MAOA: variants seen among roughly 807,000 people sequenced by gnomAD.
The protein encoded by MAOA is monoamine oxidase A, also known as amine oxidase [flavin-containing] A.
Under a neutral mutation model 42.0 loss-of-function variants are expected in MAOA, and 6 were observed. The ratio of observed to expected loss-of-function variants is 0.14; its 90% CI spans 0.08 to 0.28. The LOEUF (loss-of-function observed/expected upper bound fraction) is 0.28, where lower values mean the gene tolerates loss of function less well. Among genes scored for constraint, MAOA ranks in the 10% least tolerant of loss-of-function variants. The pLI, the probability that MAOA is intolerant of heterozygous loss-of-function variation, is 1.00. For synonymous variants in MAOA, 140 were observed against 154.0 expected, an observed-to-expected ratio of 0.91 and a Z score of 0.67; for missense variants, 262 against 422.3, an observed-to-expected ratio of 0.62 and a Z score of 3.33.
chrX:43,675,473 G>A (rs1414943235), intron 1 of MAOA, among the ~76,000 whole-genome samples: 25 of 112,612 alleles, frequency 2.2e-4, no homozygotes, highest in African/African-American at 3.9e-4. Flanking sequence ...GCTTTGTTCC[G>A]TTGCTGGTGA....
chrX:43,733,645 A>T (rs1309053687), intron 9 of MAOA, among the ~76,000 whole-genome samples: 3 of 111,977 alleles, frequency 2.7e-5, no homozygotes, highest in African/African-American at 9.7e-5. Flanking sequence ...CAATCAAGTG[A>T]CTTTTAGAGA....
At chrX:43,723,384 C>A (rs1316839671) in intron 5 of MAOA, among the ~76,000 whole-genome samples, 1 of 111,323 alleles carries the variant, frequency 9.0e-6, no homozygotes, top group East Asian at 2.8e-4. Context: ...GTTTGTAGTT[C>A]TCCTTAAAGA....
intron 10 of MAOA, among the ~76,000 whole-genome samples, chrX:43,738,366 C>T (rs748870000): frequency 1.8e-5 from 2 of 112,265 alleles, no homozygotes; most frequent in Non-Finnish European, 3.8e-5. Flanking sequence ...TTTGTGTGAA[C>T]ACATCCTTGG....
At chrX:43,728,377 G>A in intron 6 of MAOA, 63 bp downstream of exon 6, 1 of 1,109,307 alleles carries the variant, frequency 9.0e-7, no homozygotes, top group African/African-American at 1.8e-5. Context: ...TTTCTCCCAG[G>A]GCAGTGTCTT....
intron 8 of MAOA, among the ~76,000 whole-genome samples, chrX:43,732,326 A>G (rs1481079625): frequency 8.9e-6 from 1 of 111,744 alleles, no homozygotes; most frequent in Non-Finnish European, 1.9e-5. Flanking sequence ...TACTGTTGAT[A>G]AGCATTCTGG....
intron 10 of MAOA, among the ~76,000 whole-genome samples, chrX:43,740,281 T>C (rs1469684134): frequency 8.9e-6 from 1 of 112,218 alleles, no homozygotes; most frequent in African/African-American, 3.2e-5. Context: ...ACTTATACTA[T>C]AGACTTATAA....
At chrX:43,740,029 G>A (rs2033948220) in intron 10 of MAOA, among the ~76,000 whole-genome samples, 1 of 112,035 alleles carries the variant, frequency 8.9e-6, no homozygotes, top group South Asian at 3.7e-4. Context: ...TTTAGATAAT[G>A]AATTATGAGA....
At chrX:43,732,194 C>G (rs7885398) in intron 8 of MAOA, among the ~76,000 whole-genome samples, 1 of 111,352 alleles carries the variant, frequency 9.0e-6, no homozygotes, top group African/African-American at 3.3e-5. Context: ...TCCGGGACTT[C>G]GCTTGCTTGC....
At chrX:43,713,464 C>T (rs1437705753) in intron 5 of MAOA, among the ~76,000 whole-genome samples, 2 of 111,350 alleles carry the variant, frequency 1.8e-5, no homozygotes, top group African/African-American at 3.3e-5. Context: ...TGCACATGTA[C>T]TCCGGAATTT....
Position 43,744,148 on chromosome X carries a change from T to A in MAOA, c.1414T>A (p.Trp472Arg), listed in dbSNP as rs765021585. 8.3e-7 allele frequency: 1 copy of A among 1,206,810 alleles called. No individual in the cohort carries two copies. The highest frequency in any genetic ancestry group is 1.8e-5 in the African/African-American group (1 of 56,874). The change falls in exon 14 of 15, where the codon TGG becomes AGG. Residue 472 changes from tryptophan (W) to arginine (R), a missense_variant. Physicochemically the swap from Trp to Arg is moderately radical, Grantham distance 101 (BLOSUM62 -3). This residue lies in a region of MAOA where 86 missense variants were observed against 190.3 expected (regional missense o/e 0.45). Transcript: ENST00000338702. ...GLGKVTEKDI[W>R]VQEPESKDVP... is the part of the protein sequence containing the mutation. ...CGGGAAGGTGACCGAGAAAGATATC[T>A]GGGTACAAGAACCTGAATCAAAGGT... is the stretch of plus-strand genomic sequence containing the variant.
At chrX:43,692,203 G>C (rs781082455) in intron 2 of MAOA, among the ~76,000 whole-genome samples, 1 of 110,974 alleles carries the variant, frequency 9.0e-6, no homozygotes, top group Non-Finnish European at 1.9e-5. Flanking sequence ...TTTGGACCTA[G>C]TGCAAAGCTA....
intron 3 of MAOA, among the ~76,000 whole-genome samples, chrX:43,704,409 G>A (rs1219791847): frequency 9.0e-6 from 1 of 111,198 alleles, no homozygotes; most frequent in Admixed American, 9.6e-5. Context: ...CTCAATAGAC[G>A]GAGCAGAAAC....
intron 3 of MAOA, among the ~76,000 whole-genome samples, chrX:43,704,770 A>G (rs1236806358): frequency 3.6e-5 from 4 of 112,031 alleles, no homozygotes; most frequent in African/African-American, 1.3e-4. Flanking sequence ...AGGTTGCAGG[A>G]TACAAGATCA....
At chrX:43,738,935 C>T (rs758420689) in intron 10 of MAOA, among the ~76,000 whole-genome samples, 4 of 111,730 alleles carry the variant, frequency 3.6e-5, no homozygotes, top group African/African-American at 1.3e-4. Flanking sequence ...CTTGTAACAC[C>T]CTTGTGAAGT....
chrX:43,692,187 C>T (rs985193097), intron 2 of MAOA, among the ~76,000 whole-genome samples: 6 of 110,769 alleles, frequency 5.4e-5, no homozygotes, highest in Non-Finnish European at 1.1e-4. Flanking sequence ...GAAGGCTGAG[C>T]AGTGCTTTGG....
intron 1 of MAOA, among the ~76,000 whole-genome samples, chrX:43,662,200 TGAG>T (rs770728977): frequency 9.0e-6 from 1 of 111,731 alleles, no homozygotes; most frequent in Non-Finnish European, 1.9e-5. Context: ...TTAAATACTC[TGAG>T]GTTCAATGTG....
chrX:43,733,325 T>C (rs1158675778), intron 9 of MAOA, among the ~76,000 whole-genome samples: 1 of 112,148 alleles, frequency 8.9e-6, no homozygotes, highest in African/African-American at 3.2e-5. Context: ...CATGGCAGTT[T>C]TTCTGGTGGG....
chrX:43,720,650 G>A (rs1446372832), intron 5 of MAOA, among the ~76,000 whole-genome samples: 2 of 110,108 alleles, frequency 1.8e-5, no homozygotes, highest in Admixed American at 9.7e-5. Flanking sequence ...AGATGGTGTA[G>A]AGAGGATGAT....
intron 5 of MAOA, among the ~76,000 whole-genome samples, chrX:43,713,396 T>C (rs946865789): frequency 3.6e-5 from 4 of 111,271 alleles, no homozygotes; most frequent in Admixed American, 9.5e-5. Flanking sequence ...AATACCTAGG[T>C]GATGGGTTGA....
Sources: allele counts gnomAD v4.1 joint callset (sites outside exome capture counted in the v4.1 genomes callset), GRCh38; gene constraint gnomAD v4.1.1; regional missense constraint gnomAD v4.1.1; transcripts MANE v1.5; gene names NCBI Gene and HGNC (gene_info 2026-07-23, HGNC 2026-07-21).